CDK10: variants seen among roughly 807,000 people sequenced by gnomAD.
CDK10 encodes the protein cyclin-dependent kinase 10.
In CDK10, 55 loss-of-function variants were observed where a neutral mutation model predicts 51.0. That is an observed-to-expected ratio of 1.08 (90% confidence interval 0.87 to 1.35). The LOEUF is 1.35. Among genes scored for constraint, CDK10 ranks in the 40% most tolerant of loss-of-function variants. The pLI is 0.00. For synonymous variants in CDK10, 255 were observed against 199.1 expected (o/e 1.28, Z -2.36); for missense variants, 589 against 485.1 (o/e 1.21, Z -2.01).
rs551214556 is a variant in CDK10 at position 89,695,286 on chromosome 16, C to A, written c.933-7C>A. ...CAAGTCGCACTAACGCAGGCTGCCT[C>A]CTCCAGGGCGACGGCCGGGGACTGC... On this transcript the variant is annotated splice_polypyrimidine_tract_variant and splice_region_variant and intron_variant, in intron 11 of 12. Coordinates refer to ENST00000353379, the MANE Select transcript of CDK10 (RefSeq NM_052988.5). 2.5e-6 allele frequency: 4 copies of A among 1,609,488 alleles called. No individual in the cohort carries two copies. The highest frequency in any genetic ancestry group is 2.5e-6 in the Non-Finnish European group (3 of 1,177,504).
chr16:89,694,063 T>G, intron 8 of CDK10, 110 bp from the exon 9 acceptor site: 2 of 1,080,422 alleles, frequency 1.9e-6, no homozygotes, highest in Non-Finnish European at 2.8e-6. Flanking sequence ...GTGGTCCGAG[T>G]TGGGACAGGT....
At chr16:89,692,343 T>C (rs1282891146) in intron 5 of CDK10, 106 bp from the exon 6 acceptor site, 2 of 820,452 alleles carry the variant, frequency 2.4e-6, no homozygotes, top group East Asian at 5.6e-5. Context: ...ACTGGTTTCC[T>C]GGGCTATTGG....
chr16:89,693,715 G>C, intron 8 of CDK10: 1 of 580,132 alleles, frequency 1.7e-6, no homozygotes, highest in Non-Finnish European at 3.1e-6. Flanking sequence ...TTGAGAGCTG[G>C]AAACACCGTG....
At chr16:89,687,383 G>C (rs1205015135) in intron 1 of CDK10, 1 of 437,598 alleles carries the variant, frequency 2.3e-6, no homozygotes, top group Non-Finnish European at 4.7e-6. Context: ...CCGCTGGTTT[G>C]TGTTTTTAAC....
chr16:89,686,796 GGGTGCGCGGGGTGCCACCCGGGCAGCTC>G lies in CDK10; in HGVS notation c.87_87+27del. 1 of 1,608,394 alleles carries G rather than the reference GGGTGCGCGGGGTGCCACCCGGGCAGCTC, an allele frequency of 6.2e-7. No individual in the cohort carries two copies. The highest frequency in any genetic ancestry group is 8.5e-7 in the Non-Finnish European group (1 of 1,177,214). On this transcript the variant is annotated splice_donor_variant and splice_donor_5th_base_variant and coding_sequence_variant and intron_variant, in exon 1 of 13. Transcript: ENST00000353379. LOFTEE classifies it high-confidence loss of function. ...TTCTTCACGGTGCCTCCGGAACACA[GGGTGCGCGGGGTGCCACCCGGGCAGCTC>G]TGCCCGCCTCGCTAGCGGCACTGCC... is the stretch of plus-strand genomic sequence containing the variant.
intron 10 of CDK10, 40 bp from the exon 11 acceptor site, chr16:89,694,891 G>A (rs535557700): frequency 4.4e-5 from 55 of 1,241,554 alleles, no homozygotes; most frequent in East Asian, 3.1e-4. Context: ...GCCCCCGCCC[G>A]TGCCCACGCC....
In CDK10 at chr16:89,695,178, C is replaced by G; in HGVS notation, c.932+108C>G. On this transcript the variant is annotated intron_variant, in intron 11 of 12. Transcript: ENST00000353379. Reference sequence around the variant, plus strand: ...GGAGAGGCCCCTCCCCAGGCACAGCCGCTCGGAGTGGCCACCTGGCTTCCT... The same window carrying G: ...GGAGAGGCCCCTCCCCAGGCACAGCGGCTCGGAGTGGCCACCTGGCTTCCT... 6 of 1,538,948 alleles carry G rather than the reference C, an allele frequency of 3.9e-6. No homozygotes were observed. The South Asian group carries it at 4.8e-5, about 12-fold the overall frequency.
Position 89,696,035 on chromosome 16 carries a change from C to G in CDK10, c.*343C>G, listed in dbSNP as rs569104755. On this transcript the variant is annotated 3_prime_UTR_variant, in exon 13 of 13. Coordinates refer to ENST00000353379, the MANE Select transcript of CDK10 (RefSeq NM_052988.5). ...GTGGTGGGTGCAGTCCCCCCGCTGT[C>G]TTTGAGTTGTGGTGGACGCTGGCCT... 1 of 583,434 alleles carries G rather than the reference C, an allele frequency of 1.7e-6. No homozygotes were observed. Among genetic ancestry groups the G allele is most frequent in the East Asian group, 2.8e-5 (1 of 35,114 alleles). The allele number at this position is 583,434 out of a possible 1,614,324, so 36.1% of individuals were successfully genotyped here.
chr16:89,693,578 G>C (rs926716609), intron 8 of CDK10, 111 bp downstream of exon 8: 1 of 1,073,510 alleles, frequency 9.3e-7, no homozygotes, highest in Non-Finnish European at 1.4e-6. Context: ...TTAAGCTACA[G>C]GGTCTGTGCA....
intron 12 of CDK10, 99 bp from the exon 13 acceptor site, chr16:89,695,496 C>A: frequency 6.7e-7 from 1 of 1,492,498 alleles, no homozygotes; most frequent in Non-Finnish European, 9.1e-7. Flanking sequence ...GCACAGACAG[C>A]CCAGGGCCAG....
Position 89,686,761 on chromosome 16 carries a change from T to C in CDK10, c.51T>C (p.Arg17=), listed in dbSNP as rs201507040. The C allele has an allele frequency of 1.2e-6, 2 of 1,612,238 alleles. No individual in the cohort carries two copies. Among genetic ancestry groups the C allele is most frequent in the African/African-American group, 2.7e-5 (2 of 74,832 alleles). ...AGCAGATCCGTCTGAAGTGTATTCG[T>C]AAGGAGGGCTTCTTCACGGTGCCTC... ...ECEQIRLKCI[R]KEGFFTVPPE... Residue 17 remains arginine, a synonymous_variant, in exon 1 of 13, where the codon CGT becomes CGC. Coordinates refer to ENST00000353379, the MANE Select transcript of CDK10 (RefSeq NM_052988.5).
At chr16:89,694,095 C>G in intron 8 of CDK10, 78 bp from the exon 9 acceptor site, 3 of 1,442,830 alleles carry the variant, frequency 2.1e-6, no homozygotes, top group Non-Finnish European at 2.9e-6. Flanking sequence ...CACAGGCTCT[C>G]GGGGAGGCTG....
At position 89,689,129 on chromosome 16, in the gene CDK10, G is replaced by C. The variant is rs1005874101; in HGVS notation, c.88-123G>C. ...AAAGAAAAAAAAAGCCCAAACGTGT[G>C]GTTGCCTTTCTGTTTGGTGAGCAAG... On this transcript the variant is annotated intron_variant, in intron 1 of 12. Coordinates refer to ENST00000353379, the MANE Select transcript of CDK10 (RefSeq NM_052988.5). 1.1e-5 allele frequency: 9 copies of C among 820,994 alleles called. No individual in the cohort carries two copies. In the Admixed American group the frequency reaches 2.0e-4, roughly 18 times the overall value. The allele number at this position is 820,994 out of a possible 1,614,324, so 50.9% of individuals were successfully genotyped here.
chr16:89,695,767 C>T lies in CDK10; in HGVS notation c.*75C>T. 1.3e-6 allele frequency: 2 copies of T among 1,583,274 alleles called. No homozygotes were observed. The highest frequency in any genetic ancestry group is 1.7e-6 in the Non-Finnish European group (2 of 1,167,832). ...TGGTGTCTGTGAAGGGTGCCGCGAGCCAGGCTGACCAGGCGCCCGGGATCC... is the reference window on the plus strand; with the variant it reads ...TGGTGTCTGTGAAGGGTGCCGCGAGTCAGGCTGACCAGGCGCCCGGGATCC... On this transcript the variant is annotated 3_prime_UTR_variant, in exon 13 of 13. Transcript: ENST00000353379.
At chr16:89,687,718 GC>G in intron 1 of CDK10, 3 of 393,934 alleles carry the variant, frequency 7.6e-6, no homozygotes, top group Non-Finnish European at 1.0e-5. Flanking sequence ...GTGAGCCACC[GC>G]CCCCAGCCTG....
chr16:89,689,210 C>T (rs1340473904), intron 1 of CDK10, 42 bp from the exon 2 acceptor site: 29 of 1,583,230 alleles, frequency 1.8e-5, no homozygotes, highest in Non-Finnish European at 2.5e-5. Context: ...GTTGTTCCAT[C>T]AGCTGCCAAA....
In CDK10 at chr16:89,693,290, A is replaced by T; in HGVS notation, c.502A>T (p.Asn168Tyr). 1 of 1,614,134 alleles carries T rather than the reference A, an allele frequency of 6.2e-7. No homozygotes were observed. The highest frequency in any genetic ancestry group is 8.5e-7 in the Non-Finnish European group (1 of 1,180,018). ...CCATCACAGGGACCTGAAGGTTTCC[A>T]ACTTGCTCATGACCGACAAGGGTTG... The part of the protein sequence containing the change: ...FIIHRDLKVS[N>Y]LLMTDKGCVK... Residue 168 changes from asparagine (N) to tyrosine (Y), a missense_variant, in exon 7 of 13, where the codon AAC becomes TAC. By Grantham distance (143) the Asn-to-Tyr change is moderately radical (BLOSUM62 -2). Coordinates refer to ENST00000353379, the MANE Select transcript of CDK10 (RefSeq NM_052988.5).
intron 1 of CDK10, chr16:89,687,399 G>A (rs1381289812): frequency 2.3e-6 from 1 of 440,354 alleles, no homozygotes. Context: ...TTAACTGCTG[G>A]CTGGTGCTCT....
chr16:89,694,451 G>A (rs549415081), intron 9 of CDK10: 282 of 891,078 alleles, frequency 3.2e-4, no homozygotes, highest in South Asian at 9.4e-4. Context: ...AGGTCTGGAG[G>A]AGGCACGCCT....
Sources: gnomAD v4.1 joint callset for allele counts on GRCh38, gnomAD v4.1.1 for gene constraint, MANE v1.5 for transcripts, NCBI Gene and HGNC (gene_info 2026-07-23, HGNC 2026-07-21) for gene names.